Variants in ADGRE3 observed in about 807,000 individuals in gnomAD.
ADGRE3 encodes adhesion G protein-coupled receptor E3.
In ADGRE3, 88 loss-of-function variants were observed where a neutral mutation model predicts 80.1. The ratio of observed to expected loss-of-function variants is 1.10; its 90% CI spans 0.93 to 1.31. The LOEUF (loss-of-function observed/expected upper bound fraction) is 1.31, where lower values mean the gene tolerates loss of function less well. ADGRE3 is among the 40% of genes most tolerant of loss of function. The probability of loss-of-function intolerance (pLI) is 0.00; values close to 1 mark genes in which losing one functional copy is unlikely to be tolerated. For synonymous variants in ADGRE3, 281 were observed against 294.8 expected (o/e 0.95, Z 0.48); for missense variants, 715 against 776.5 (o/e 0.92, Z 0.94).
intron 10 of ADGRE3, among the ~76,000 whole-genome samples, chr19:14,640,989 G>A (rs1971231596): frequency 6.6e-6 from 1 of 152,096 alleles, no homozygotes; most frequent in African/African-American, 2.4e-5. Flanking sequence ...TTTATCAGCA[G>A]CCTGAAAATG....
chr19:14,674,542 C>T (rs1034459569), intron 1 of ADGRE3, among the ~76,000 whole-genome samples: 5 of 151,870 alleles, frequency 3.3e-5, no homozygotes, highest in African/African-American at 9.7e-5. Context: ...AAAAACCAAG[C>T]TACTAGATTG....
chr19:14,624,892 A>AG (rs1285969047), intron 15 of ADGRE3, among the ~76,000 whole-genome samples: 1 of 151,718 alleles, frequency 6.6e-6, no homozygotes, highest in African/African-American at 2.4e-5. Flanking sequence ...GGACACAGGG[A>AG]GGGGAACAAC....
At chr19:14,613,901 G>C in the ADGRE3 span, among the ~76,000 whole-genome samples, 1 of 152,068 alleles carries the variant, frequency 6.6e-6, no homozygotes, top group Non-Finnish European at 1.5e-5. Flanking sequence ...GGCCAGGCTG[G>C]TCTCGAACTC....
intron 11 of ADGRE3, among the ~76,000 whole-genome samples, chr19:14,637,393 CTTTTTTTTTT>C (rs34233724): frequency 7.8e-6 from 1 of 127,604 alleles, no homozygotes; most frequent in African/African-American, 2.9e-5. Context: ...TTTTTAAGCT[CTTTTTTTTTT>C]TTTTTTTTGA....
At chr19:14,600,775 C>G in the ADGRE3 span, among the ~76,000 whole-genome samples, 1 of 151,112 alleles carries the variant, frequency 6.6e-6, no homozygotes, top group African/African-American at 2.4e-5. Flanking sequence ...TTAGTAGAGA[C>G]AGGGTTTCAC....
chr19:14,631,898 C>T (rs935509610), intron 13 of ADGRE3, among the ~76,000 whole-genome samples: 9 of 151,532 alleles, frequency 5.9e-5, no homozygotes, highest in African/African-American at 2.2e-4. Flanking sequence ...GAGGGACAGC[C>T]ATTTTCATTT....
At chr19:14,620,568 A>ATATATATATATATTTTT in intron 15 of ADGRE3, among the ~76,000 whole-genome samples, 1 of 11,058 alleles carries the variant, frequency 9.0e-5, no homozygotes, top group African/African-American at 4.1e-4. Context: ...ATATATATAT[A>ATATATATATATATTTTT]TTTTTTTTTT....
intron 2 of ADGRE3, among the ~76,000 whole-genome samples, chr19:14,663,999 T>C (rs1280451887): frequency 2.0e-5 from 3 of 152,188 alleles, no homozygotes; most frequent in Middle Eastern, 3.4e-3. Context: ...GCCTCGCCTC[T>C]GGGCAGGGCC....
chr19:14,651,328 T>C lies in ADGRE3; in HGVS notation c.578-124A>G, dbSNP rs1025114232. On this transcript the variant is annotated intron_variant, in intron 6 of 15. Transcript: ENST00000253673. ...TACTCAAGAGGCTGAGGCAGAAGGATTGCTTGGGCCCAGGAATTTGAGCCC... is the reference window on the plus strand; with the variant it reads ...TACTCAAGAGGCTGAGGCAGAAGGACTGCTTGGGCCCAGGAATTTGAGCCC... The C allele has an allele frequency of 2.8e-6, 3 of 1,078,064 alleles. No homozygotes were observed. The East Asian group carries it at 7.2e-5, about 26-fold the overall frequency. The allele number at this position is 1,078,064 out of a possible 1,614,324, so 66.8% of individuals were successfully genotyped here.
In ADGRE3 at chr19:14,636,149, T is replaced by TCTTTTCTTCCTTCCTTCCTTCCTTC. The variant is rs774422809; in HGVS notation, c.1484+1955_1484+1956insGAAGGAAGGAAGGAAGGAAGAAAAG. Among the ~76,000 whole-genome samples the TCTTTTCTTCCTTCCTTCCTTCCTTC allele has an allele frequency of 3.9e-4, 16 of 40,606 alleles. 2 individuals are homozygous for TCTTTTCTTCCTTCCTTCCTTCCTTC. Among genetic ancestry groups the TCTTTTCTTCCTTCCTTCCTTCCTTC allele is most frequent in the African/African-American group, 1.1e-3 (15 of 13,776 alleles). 26.6% of individuals were successfully genotyped at this position (40,606 alleles called of 152,430 possible). On this transcript the variant is annotated intron_variant, in intron 11 of 15. Coordinates refer to ENST00000253673, the MANE Select transcript of ADGRE3 (RefSeq NM_032571.5). ...TTCTTTCTTTCTTTCTTTCTTTCTTTCTTCCTTTCCTCCTTTCCTTTCCTT... is the reference window on the plus strand; with the variant it reads ...TTCTTTCTTTCTTTCTTTCTTTCTTTCTTTTCTTCCTTCCTTCCTTCCTTCCTTCCTTTCCTCCTTTCCTTTCCTT...
Position 14,647,205 on chromosome 19 carries a change from C to T in ADGRE3, c.858G>A (p.Val286=), listed in dbSNP as rs1488874018. 4 of 1,613,900 alleles carry T rather than the reference C, an allele frequency of 2.5e-6. No homozygotes were observed. The highest frequency in any genetic ancestry group is 3.4e-6 in the Non-Finnish European group (4 of 1,179,918). ...CCTTCACGTGCTGGAAAGTCAGCGT[C>T]ACAGACTTGGAGAGAGACACGTTCC... ...PKRNVSLSKS[V]TLTFQHVKMT... is the part of the protein sequence containing the mutation. Residue 286 remains valine, a synonymous_variant, in exon 8 of 16, where the codon GTG becomes GTA. Coordinates refer to ENST00000253673, the MANE Select transcript of ADGRE3 (RefSeq NM_032571.5).
downstream of ADGRE3, among the ~76,000 whole-genome samples, chr19:14,615,066 A>G (rs2075067625): frequency 6.6e-6 from 1 of 151,764 alleles, no homozygotes; most frequent in Non-Finnish European, 1.5e-5. Flanking sequence ...ACCCCATTTT[A>G]TACCTGGGCA....
chr19:14,655,157 C>A lies in ADGRE3; in HGVS notation c.402G>T (p.Lys134Asn), dbSNP rs138910897. 1.1e-5 allele frequency: 17 copies of A among 1,608,102 alleles called. No individual in the cohort carries two copies. In the African/African-American group the frequency reaches 1.7e-4, roughly 17 times the overall value. Residue 134 changes from lysine (K) to asparagine (N), a missense_variant, in exon 6 of 16, where the codon AAG (lysine) becomes AAT (asparagine). Lys to Asn is a moderately conservative substitution (Grantham distance 94, BLOSUM62 0). Transcript: ENST00000253673. ...KTTEGRKELQ[K>N]IVDKFESLLT... The stretch of plus-strand genomic sequence containing the variant: ...GAAGTGACTCAAATTTGTCCACAAT[C>A]TTTTGCAGCTTTGAAGACATAAAGA...
chr19:14,600,581 TC>T, the ADGRE3 span, among the ~76,000 whole-genome samples: 1 of 150,274 alleles, frequency 6.7e-6, no homozygotes, highest in African/African-American at 2.5e-5. Flanking sequence ...TTATTTCTTT[TC>T]TTTTCTTTTT....
chr19:14,636,882 T>C lies in ADGRE3; in HGVS notation c.1484+1223A>G, dbSNP rs1971105234. 2.0e-5 allele frequency among the ~76,000 whole-genome samples: 3 copies of C among 152,130 alleles called. 1 individual carries two copies. The highest frequency in any genetic ancestry group is 2.0e-4 in the Admixed American group (3 of 15,272). On this transcript the variant is annotated intron_variant, in intron 11 of 15. Coordinates refer to ENST00000253673, the MANE Select transcript of ADGRE3 (RefSeq NM_032571.5). Reference sequence around the variant, plus strand: ...GCCGAGGTGCATGGATCACCTGAGGTCAGGAGTTCAAGACCAGCCTGGTCA... The same window carrying C: ...GCCGAGGTGCATGGATCACCTGAGGCCAGGAGTTCAAGACCAGCCTGGTCA...
chr19:14,630,016 C>G, intron 14 of ADGRE3, 23 bp downstream of exon 14: 1 of 1,516,566 alleles, frequency 6.6e-7, no homozygotes, highest in South Asian at 1.3e-5. Flanking sequence ...GTTTAAATAA[C>G]AAAGAAAGGG....
chr19:14,653,582 T>A (rs922804967), intron 6 of ADGRE3, among the ~76,000 whole-genome samples: 27 of 150,770 alleles, frequency 1.8e-4, no homozygotes, highest in Admixed American at 8.6e-4. Flanking sequence ...TCTATTAAAA[T>A]TTTTTTTTGA....
In ADGRE3 at chr19:14,662,000, AT is replaced by A. The variant is rs1200894679; in HGVS notation, c.317del (p.Asn106MetfsTer68). 6.2e-7 allele frequency: 1 copy of A among 1,614,218 alleles called. No homozygotes were observed. Among genetic ancestry groups the A allele is most frequent in the South Asian group, 1.1e-5 (1 of 91,090 alleles). ...TCTCATTGGAATTACTGAATTGTTC[AT>A]TCCCAGAATGCAGTCTATATCCTGG... is the stretch of plus-strand genomic sequence containing the variant. ...CVPGYRLHSG[N>X]EQFSNSNENT... On this transcript the variant is annotated frameshift_variant, in exon 4 of 16. Transcript: ENST00000253673. LOFTEE classifies it high-confidence loss of function.
At chr19:14,664,560 T>G (rs924221723) in intron 2 of ADGRE3, among the ~76,000 whole-genome samples, 5 of 151,994 alleles carry the variant, frequency 3.3e-5, no homozygotes, top group Admixed American at 6.6e-5. Flanking sequence ...AATTTAAAAA[T>G]TAGCCAGTCA....
Sources: allele counts gnomAD v4.1 joint callset (sites outside exome capture counted in the v4.1 genomes callset), GRCh38; gene constraint gnomAD v4.1.1; transcripts MANE v1.5; gene names NCBI Gene and HGNC (gene_info 2026-07-23, HGNC 2026-07-21).